FLNB: variants seen among roughly 807,000 people sequenced by gnomAD.
FLNB encodes the protein filamin B, also known as filamin-B.
FLNB carries 111 observed loss-of-function variants against 250.6 expected under a neutral mutation model. The observed-to-expected ratio is 0.44, with a 90% CI of 0.38 to 0.52. The LOEUF is 0.52. Among genes scored for constraint, FLNB ranks in the 20% least tolerant of loss-of-function variants. The pLI, the probability that FLNB is intolerant of heterozygous loss-of-function variation, is 0.00. For synonymous variants in FLNB, 1,302 were observed against 1,372.1 expected, an observed-to-expected ratio of 0.95 and a Z score of 1.13; for missense variants, 2,869 against 3,447.8, an observed-to-expected ratio of 0.83 and a Z score of 4.20.
intron 1 of FLNB, among the ~76,000 whole-genome samples, chr3:58,021,812 T>G (rs1388857327): frequency 6.6e-6 from 1 of 152,098 alleles, no homozygotes; most frequent in African/African-American, 2.4e-5. Context: ...TCTTGCTCTG[T>G]CACCCAGGCT....
intron 38 of FLNB, chr3:58,150,960 TAAC>T (rs937568062): frequency 6.5e-6 from 1 of 153,000 alleles, no homozygotes; most frequent in Non-Finnish European, 1.5e-5. Flanking sequence ...CCATCCTTCC[TAAC>T]GAGTCACGGA....
At chr3:58,077,369 G>A (rs868568956) in intron 2 of FLNB, 75 bp downstream of exon 2, 23 of 1,532,828 alleles carry the variant, frequency 1.5e-5, no homozygotes, top group Middle Eastern at 3.4e-4. Flanking sequence ...GGTTTTCAAC[G>A]GGAATGCTAT....
At chr3:58,117,438 A>T (rs1420715102) in intron 18 of FLNB, among the ~76,000 whole-genome samples, 1 of 152,166 alleles carries the variant, frequency 6.6e-6, no homozygotes, top group African/African-American at 2.4e-5. Flanking sequence ...CACTTCAGAG[A>T]AGAGGCCAGA....
intron 36 of FLNB, 114 bp from the exon 37 acceptor site, chr3:58,149,736 T>C (rs1478527979): frequency 7.2e-7 from 1 of 1,382,920 alleles, no homozygotes; most frequent in Non-Finnish European, 1.0e-6. Context: ...TTGCTTTCTT[T>C]CTGCTATGTA....
chr3:58,154,091 A>T (rs531674933), intron 39 of FLNB, among the ~76,000 whole-genome samples: 2 of 152,176 alleles, frequency 1.3e-5, no homozygotes, highest in Non-Finnish European at 2.9e-5. Context: ...CATTTTTTAA[A>T]TTTTTTATTT....
intron 1 of FLNB, among the ~76,000 whole-genome samples, chr3:58,034,076 G>T (rs1006222677): frequency 6.6e-6 from 1 of 152,064 alleles, no homozygotes; most frequent in Non-Finnish European, 1.5e-5. Context: ...GGTCATGCTG[G>T]TCTCGAACTC....
intron 1 of FLNB, among the ~76,000 whole-genome samples, chr3:58,027,968 G>A (rs2097125734): frequency 6.6e-6 from 1 of 152,182 alleles, no homozygotes; most frequent in South Asian, 2.1e-4. Flanking sequence ...TGGTTAAAAA[G>A]GGAAATTAGC....
intron 3 of FLNB, among the ~76,000 whole-genome samples, 187 bp from the exon 4 acceptor site, chr3:58,081,442 C>G (rs1250953474): frequency 6.6e-6 from 1 of 152,168 alleles, no homozygotes; most frequent in Non-Finnish European, 1.5e-5. Flanking sequence ...TCAAAGGGGT[C>G]TGCAATTTCT....
chr3:58,110,281 G>A, intron 16 of FLNB, 111 bp downstream of exon 16: 1 of 1,128,206 alleles, frequency 8.9e-7, no homozygotes, highest in South Asian at 1.3e-5. Context: ...TATTATTTTT[G>A]AGATGGAGTC....
intron 1 of FLNB, among the ~76,000 whole-genome samples, chr3:58,046,919 A>G (rs1194777560): frequency 2.0e-5 from 3 of 152,236 alleles, no homozygotes; most frequent in African/African-American, 7.2e-5. Context: ...TCTTTCACTT[A>G]GCAGAATGTT....
chr3:58,140,731 C>T (rs949876668), intron 29 of FLNB, among the ~76,000 whole-genome samples: 35 of 152,146 alleles, frequency 2.3e-4, no homozygotes, highest in African/African-American at 8.4e-4. Flanking sequence ...GCCTCAGCCT[C>T]CCGAGTAGCT....
chr3:58,061,080 A>G (rs1057511419), intron 1 of FLNB, among the ~76,000 whole-genome samples: 15 of 152,202 alleles, frequency 9.9e-5, no homozygotes, highest in Admixed American at 9.8e-4. Flanking sequence ...GCTGATAGGT[A>G]ACATTGCACT....
Position 58,098,857 on chromosome 3 carries a change from T to C in FLNB, c.1294T>C (p.Phe432Leu). 1 of 1,614,104 alleles carries C rather than the reference T, an allele frequency of 6.2e-7. No individual in the cohort carries two copies. The highest frequency in any genetic ancestry group is 1.7e-4 in the Middle Eastern group (1 of 6,058). ...TGGCCCTCACGTGGTCAAGATCTTC[T>C]TTGCTGGGGACACTATTCCTAAGAG... ...QPGPHVVKIFFAGDTIPKSPF... is the reference protein window; with the variant it reads ...QPGPHVVKIFLAGDTIPKSPF... Residue 432 changes from phenylalanine to leucine, a missense_variant, in exon 8 of 46, where the codon TTT becomes CTT. Physicochemically the swap from Phe to Leu is conservative, Grantham distance 22. Coordinates refer to ENST00000295956, the MANE Select transcript of FLNB (RefSeq NM_001457.4).
rs766688604 is a variant in FLNB, at chr3:58,126,726, G to C, written c.4186G>C (p.Asp1396His). ...EYIPFAPGDY[D>H]VNITYGGAHI... ...CATTCCTTTCGCACCGGGGGATTAC[G>C]ATGTTAATATCACATATGGAGGAGC... The change falls in exon 24 of 46, where the codon GAT (aspartate) becomes CAT (histidine). Residue 1396 changes from aspartate (D) to histidine (H), a missense_variant. This residue lies in a region of FLNB where 1,348 missense variants were observed against 1,466.7 expected (regional missense o/e 0.92). Transcript: ENST00000295956. 2.5e-6 allele frequency: 4 copies of C among 1,613,820 alleles called. No individual in the cohort carries two copies. The African/African-American group carries it at 4.0e-5, about 16-fold the overall frequency.
intron 1 of FLNB, among the ~76,000 whole-genome samples, chr3:58,060,169 G>A (rs981599276): frequency 9.2e-5 from 14 of 152,118 alleles, no homozygotes; most frequent in Non-Finnish European, 1.8e-4. Context: ...GAACGGGGGC[G>A]CAAGGGAGTT....
intron 42 of FLNB, among the ~76,000 whole-genome samples, chr3:58,160,806 C>T (rs116773703): frequency 3.0e-4 from 46 of 151,514 alleles, no homozygotes; most frequent in African/African-American, 1.1e-3. Flanking sequence ...CATAGTGAGA[C>T]CCCTTCTCTA....
At chr3:58,098,057 C>A in intron 7 of FLNB, 80 bp downstream of exon 7, 1 of 1,427,486 alleles carries the variant, frequency 7.0e-7, no homozygotes, top group Non-Finnish European at 9.9e-7. Flanking sequence ...GACTTGAAGG[C>A]CTGACCTTTT....
At chr3:58,136,412 G>C (rs1332707997) in intron 28 of FLNB, among the ~76,000 whole-genome samples, 1 of 152,192 alleles carries the variant, frequency 6.6e-6, no homozygotes, top group Non-Finnish European at 1.5e-5. Flanking sequence ...GGTCAGGCAT[G>C]AAAAATGCTT....
At chr3:58,122,982 G>A (rs2097291633) in intron 20 of FLNB, 111 bp from the exon 21 acceptor site, 1 of 985,776 alleles carries the variant, frequency 1.0e-6, no homozygotes, top group South Asian at 1.3e-5. Context: ...CCAAGAGAAG[G>A]GCTGCCTGGC....
Sources: gnomAD v4.1 joint callset for allele counts (sites outside exome capture counted in the v4.1 genomes callset) on GRCh38, gnomAD v4.1.1 for gene constraint, gnomAD v4.1.1 regional missense constraint, MANE v1.5 for transcripts, NCBI Gene and HGNC (gene_info 2026-07-23, HGNC 2026-07-21) for gene names.